The following SPATA17 variants were observed in gnomAD, a reference collection of about 807,000 sequenced individuals.
The protein encoded by SPATA17 is spermatogenesis associated 17.
In SPATA17, 53 loss-of-function variants were observed where a neutral mutation model predicts 62.2. The observed-to-expected ratio is 0.85, with a 90% CI of 0.68 to 1.07. The LOEUF is 1.07. Ranked by LOEUF, SPATA17 falls within the 50% of genes least tolerant of loss-of-function variation. The probability of loss-of-function intolerance (pLI) is 0.00; values close to 1 mark genes in which losing one functional copy is unlikely to be tolerated. For synonymous variants in SPATA17, 146 were observed against 146.8 expected (o/e 0.99, Z 0.04); for missense variants, 466 against 425.5 (o/e 1.10, Z -0.84).
intron 5 of SPATA17, among the ~76,000 whole-genome samples, chr1:217,714,954 G>A (rs1671968448): frequency 6.6e-6 from 1 of 151,958 alleles, no homozygotes; most frequent in Admixed American, 6.6e-5. Context: ...GCTTAATATG[G>A]TAATAAGTAT....
Position 217,774,372 on chromosome 1 carries a change from T to G in SPATA17, c.558T>G (p.Pro186=), listed in dbSNP as rs376482665. ...ACAATTCACCCTTCAGAAAAGAGCCTGATCCATGGGAGCTGCAATTACAGA... is the reference window on the plus strand; with the variant it reads ...ACAATTCACCCTTCAGAAAAGAGCCGGATCCATGGGAGCTGCAATTACAGA... ...GIYNSPFRKE[P]DPWELQLQKA... The change falls in exon 7 of 11, where the codon CCT becomes CCG. Residue 186 remains proline, a synonymous_variant. Transcript: ENST00000366933. The G allele has an allele frequency of 1.2e-6, 2 of 1,613,976 alleles. No individual in the cohort carries two copies. The highest frequency in any genetic ancestry group is 1.7e-6 in the Non-Finnish European group (2 of 1,179,948).
intron 6 of SPATA17, among the ~76,000 whole-genome samples, chr1:217,757,874 G>T (rs1673085819): frequency 6.6e-6 from 1 of 152,184 alleles, no homozygotes; most frequent in African/African-American, 2.4e-5. Flanking sequence ...GTAGGATCAT[G>T]TAAGGATGCT....
chr1:217,729,428 G>A (rs377553760), intron 5 of SPATA17, among the ~76,000 whole-genome samples: 4 of 152,060 alleles, frequency 2.6e-5, no homozygotes, highest in Non-Finnish European at 5.9e-5. Flanking sequence ...ATAATATTAC[G>A]ATCTCAGCCA....
intron 9 of SPATA17, among the ~76,000 whole-genome samples, chr1:217,840,125 G>A (rs776176925): frequency 6.6e-6 from 1 of 152,128 alleles, no homozygotes; most frequent in Non-Finnish European, 1.5e-5. Flanking sequence ...TATGTGCACA[G>A]TAATGTCTCA....
At chr1:217,711,999 G>A (rs182822841) in intron 5 of SPATA17, among the ~76,000 whole-genome samples, 1 of 152,084 alleles carries the variant, frequency 6.6e-6, no homozygotes, top group East Asian at 1.9e-4. Flanking sequence ...CATTTTTAGA[G>A]CAACTAGTTT....
intron 1 of SPATA17, among the ~76,000 whole-genome samples, chr1:217,644,958 C>G (rs542695095): frequency 2.6e-5 from 4 of 151,590 alleles, no homozygotes; most frequent in Non-Finnish European, 4.4e-5. Context: ...AAAGTGTTAC[C>G]CACATTTTTC....
intron 5 of SPATA17, among the ~76,000 whole-genome samples, chr1:217,727,794 T>C (rs1672302718): frequency 6.6e-6 from 1 of 152,192 alleles, no homozygotes; most frequent in African/African-American, 2.4e-5. Flanking sequence ...AGAGTCTCAA[T>C]AGACCTCAGC....
At chr1:217,767,639 T>TAGATGTCAA (rs1673331662) in intron 6 of SPATA17, among the ~76,000 whole-genome samples, 1 of 152,218 alleles carries the variant, frequency 6.6e-6, no homozygotes, top group Non-Finnish European at 1.5e-5. Context: ...TTCAACCATG[T>TAGATGTCAA]CCAATCTACT....
chr1:217,809,622 A>G (rs1674534940), intron 9 of SPATA17, among the ~76,000 whole-genome samples: 1 of 152,156 alleles, frequency 6.6e-6, no homozygotes, highest in Admixed American at 6.5e-5. Flanking sequence ...CCTCATAAGA[A>G]TCTAATCTAA....
chr1:217,654,283 A>C (rs550395214), intron 3 of SPATA17, among the ~76,000 whole-genome samples: 1 of 151,732 alleles, frequency 6.6e-6, no homozygotes, highest in African/African-American at 2.4e-5. Context: ...AATTACAGGG[A>C]CCTGCCATCA....
intron 6 of SPATA17, among the ~76,000 whole-genome samples, chr1:217,770,775 A>AAG (rs1427558628): frequency 6.6e-6 from 1 of 152,076 alleles, no homozygotes; most frequent in Non-Finnish European, 1.5e-5. Context: ...CTGAGAAGAA[A>AAG]AGAGCCAATT....
At chr1:217,816,867 A>C (rs559897808) in intron 9 of SPATA17, among the ~76,000 whole-genome samples, 1 of 152,074 alleles carries the variant, frequency 6.6e-6, no homozygotes, top group African/African-American at 2.4e-5. Context: ...TCTAGTTTAT[A>C]AAGTGTTATT....
chr1:217,754,732 C>A (rs1309933881), intron 6 of SPATA17, among the ~76,000 whole-genome samples: 1 of 152,116 alleles, frequency 6.6e-6, no homozygotes, highest in Non-Finnish European at 1.5e-5. Flanking sequence ...GAGTATCTGG[C>A]AGCCAGATTT....
Position 217,644,554 on chromosome 1 carries a change from C to T in SPATA17, c.69-4328C>T, listed in dbSNP as rs138686936. ...CTAGTATTTATTCATAGGTAATATA[C>T]ATGGGTCAGACTAAGCACAGTCTGT... On this transcript the variant is annotated intron_variant, in intron 1 of 10. Coordinates refer to ENST00000366933, the MANE Select transcript of SPATA17 (RefSeq NM_138796.4). Among the ~76,000 whole-genome samples, 526 of 152,008 alleles carry T rather than the reference C, an allele frequency of 3.5e-3. 5 individuals carry two copies. Among genetic ancestry groups the T allele is most frequent in the African/African-American group, 0.012 (488 of 41,478 alleles).
intron 9 of SPATA17, among the ~76,000 whole-genome samples, chr1:217,848,821 A>C (rs1675583351): frequency 6.6e-6 from 1 of 152,134 alleles, no homozygotes; most frequent in African/African-American, 2.4e-5. Flanking sequence ...CTAGTCAGAA[A>C]TCAAATTCTC....
intron 5 of SPATA17, among the ~76,000 whole-genome samples, chr1:217,704,901 T>C (rs1671697187): frequency 6.6e-6 from 1 of 152,196 alleles, no homozygotes; most frequent in African/African-American, 2.4e-5. Context: ...ATGGTTTGTA[T>C]TCCTTTGGGT....
chr1:217,645,723 A>G (rs1304684492), intron 1 of SPATA17, among the ~76,000 whole-genome samples: 1 of 152,072 alleles, frequency 6.6e-6, no homozygotes, highest in Non-Finnish European at 1.5e-5. Context: ...ATGTTGTTGT[A>G]TCTTTTCCAT....
At chr1:217,784,511 T>G (rs975438174) in intron 8 of SPATA17, among the ~76,000 whole-genome samples, 3 of 152,168 alleles carry the variant, frequency 2.0e-5, no homozygotes, top group Non-Finnish European at 4.4e-5. Context: ...CTTAGTTCCA[T>G]TAAACAGCAG....
intron 1 of SPATA17, among the ~76,000 whole-genome samples, chr1:217,644,221 C>T (rs1390268539): frequency 6.6e-6 from 1 of 152,140 alleles, no homozygotes. Flanking sequence ...TTGAGGACTA[C>T]TAATGAAATA....
Sources: allele counts gnomAD v4.1 joint callset (sites outside exome capture counted in the v4.1 genomes callset), GRCh38; gene constraint gnomAD v4.1.1; transcripts MANE v1.5; gene names NCBI Gene and HGNC (gene_info 2026-07-23, HGNC 2026-07-21).